Variants in PCDHA11 observed in about 807,000 individuals in gnomAD.
The protein encoded by PCDHA11 is protocadherin alpha 11, also known as protocadherin alpha-11.
PCDHA11 carries 61 observed loss-of-function variants against 70.3 expected under a neutral mutation model. The observed-to-expected ratio is 0.87, with a 90% CI of 0.71 to 1.07. PCDHA11 has a LOEUF of 1.07. Ranked by LOEUF, PCDHA11 falls within the 50% of genes least tolerant of loss-of-function variation. The probability of loss-of-function intolerance (pLI) is 0.00; values close to 1 mark genes in which losing one functional copy is unlikely to be tolerated. For synonymous variants in PCDHA11, 633 were observed against 555.1 expected (o/e 1.14, Z -1.97); for missense variants, 1,324 against 1,237.5 (o/e 1.07, Z -1.05).
chr5:140,978,685 CA>C (rs1426574040), intron 1 of PCDHA11, among the ~76,000 whole-genome samples: 2 of 152,242 alleles, frequency 1.3e-5, no homozygotes, highest in African/African-American at 2.4e-5. Context: ...ATGTATTGGG[CA>C]AGGCAAAGCC....
At chr5:140,998,389 C>T (rs1386157244) in intron 3 of PCDHA11, among the ~76,000 whole-genome samples, 3 of 152,128 alleles carry the variant, frequency 2.0e-5, no homozygotes, top group Non-Finnish European at 4.4e-5. Flanking sequence ...AAGTTTAATG[C>T]CATCTTTATG....
intron 1 of PCDHA11, chr5:140,928,218 A>G: frequency 6.2e-7 from 1 of 1,614,190 alleles, no homozygotes; most frequent in East Asian, 2.2e-5. Flanking sequence ...ATGACAATAC[A>G]CCAAACTTTC....
chr5:140,879,467 C>T (rs1331120758), intron 1 of PCDHA11, among the ~76,000 whole-genome samples: 1 of 152,040 alleles, frequency 6.6e-6, no homozygotes, highest in Admixed American at 6.6e-5. Context: ...TAAGAGAATA[C>T]CGTTGTGATT....
At chr5:140,997,910 A>T (rs2097790102) in intron 3 of PCDHA11, among the ~76,000 whole-genome samples, 2 of 152,234 alleles carry the variant, frequency 1.3e-5, no homozygotes. Flanking sequence ...AAGTAGAATT[A>T]CAGAATCATA....
rs368166956 is a variant in PCDHA11, at chr5:140,870,187, G to T, written c.1084G>T (p.Ala362Ser). Residue 362 changes from alanine (A) to serine (S), a missense_variant, in exon 1 of 4, where the codon GCT becomes TCT. By Grantham distance (99) the Ala-to-Ser change is moderately conservative (BLOSUM62 1). Coordinates refer to ENST00000398640, the MANE Select transcript of PCDHA11 (RefSeq NM_018902.5). Reference sequence around the variant, plus strand: ...CTTGTCCCTCCCAGTACGAGAGGACGCTCAGCCCAGCACGGTCATTGCCCT... The same window carrying T: ...CTTGTCCCTCCCAGTACGAGAGGACTCTCAGCCCAGCACGGTCATTGCCCT... The part of the protein sequence containing the change: ...TSLSLPVRED[A>S]QPSTVIALIS... 55 of 1,614,092 alleles carry T rather than the reference G, an allele frequency of 3.4e-5. No individual in the cohort carries two copies. The African/African-American group carries it at 6.5e-4, about 19-fold the overall frequency.
At chr5:140,925,131 T>A (rs986113292) in intron 1 of PCDHA11, among the ~76,000 whole-genome samples, 5 of 150,904 alleles carry the variant, frequency 3.3e-5, no homozygotes, top group East Asian at 1.9e-4. Context: ...GGAAAAAAAA[T>A]TTCAAACATA....
intron 1 of PCDHA11, among the ~76,000 whole-genome samples, chr5:140,948,738 A>T (rs1347138284): frequency 6.6e-6 from 1 of 151,488 alleles, no homozygotes; most frequent in African/African-American, 2.4e-5. Flanking sequence ...CTAGCTGAGA[A>T]TTTATCAATT....
At chr5:140,966,617 A>G (rs1169791623) in intron 1 of PCDHA11, 8 of 785,216 alleles carry the variant, frequency 1.0e-5, no homozygotes, top group African/African-American at 1.8e-5. Flanking sequence ...GGGCCTACGG[A>G]GGGAGCGGCC....
chr5:140,987,474 G>A (rs114440148), intron 3 of PCDHA11, among the ~76,000 whole-genome samples: 307 of 152,240 alleles, frequency 2.0e-3, no homozygotes, highest in African/African-American at 7.1e-3. Context: ...CTCAAGCTTG[G>A]GAGTCAGTGA....
intron 1 of PCDHA11, chr5:140,928,443 G>A: frequency 6.2e-7 from 1 of 1,614,184 alleles, no homozygotes. Context: ...ACTTTGAGCA[G>A]CTCAGGGGGT....
chr5:140,937,199 G>A (rs2091405017), intron 1 of PCDHA11, among the ~76,000 whole-genome samples: 2 of 151,792 alleles, frequency 1.3e-5, no homozygotes, highest in Admixed American at 6.6e-5. Context: ...CACCATGCCC[G>A]GCTAATTTTT....
chr5:140,928,126 C>G (rs782461261), intron 1 of PCDHA11: 1 of 1,614,058 alleles, frequency 6.2e-7, no homozygotes, highest in African/African-American at 1.3e-5. Context: ...CAGTGAATAC[C>G]AAGTCCTGAT....
At chr5:140,994,631 G>A (rs978359081) in intron 3 of PCDHA11, among the ~76,000 whole-genome samples, 1 of 152,106 alleles carries the variant, frequency 6.6e-6, no homozygotes, top group Non-Finnish European at 1.5e-5. Flanking sequence ...CTTGAACCTG[G>A]AAGGTGGAGG....
chr5:140,921,741 A>G (rs1437643098), intron 1 of PCDHA11, among the ~76,000 whole-genome samples: 1 of 152,202 alleles, frequency 6.6e-6, no homozygotes, highest in Non-Finnish European at 1.5e-5. Context: ...AATTATAAGC[A>G]TAACAGGACA....
chr5:140,877,488 C>A lies in PCDHA11; in HGVS notation c.2391+5994C>A, dbSNP rs781785108. On this transcript the variant is annotated intron_variant, in intron 1 of 3. Coordinates refer to ENST00000398640, the MANE Select transcript of PCDHA11 (RefSeq NM_018902.5). ...CGGTGCTGGTGTCGCTGGTGGAGAACGGCCAGGCCCCAAAGACGTCGTCGC... is the reference window on the plus strand; with the variant it reads ...CGGTGCTGGTGTCGCTGGTGGAGAAAGGCCAGGCCCCAAAGACGTCGTCGC... The A allele has an allele frequency of 2.5e-6, 4 of 1,613,736 alleles. No individual in the cohort carries two copies. The African/African-American group carries it at 5.3e-5, about 22-fold the overall frequency.
Position 140,869,373 on chromosome 5 carries a change from C to A in PCDHA11, c.270C>A (p.Ile90=), listed in dbSNP as rs782224697. ...GCATTTTGTTTGTGAATTCTCGGAT[C>A]GACCGCGAGGAGCTGTGCGGGCAGA... ...QNGILFVNSR[I]DREELCGQSA... is the part of the protein sequence containing the mutation. Residue 90 remains isoleucine (I), a synonymous_variant, in exon 1 of 4, where the codon ATC becomes ATA. Coordinates refer to ENST00000398640, the MANE Select transcript of PCDHA11 (RefSeq NM_018902.5). 6.2e-7 allele frequency: 1 copy of A among 1,614,102 alleles called. No homozygotes were observed. Among genetic ancestry groups the A allele is most frequent in the Non-Finnish European group, 8.5e-7 (1 of 1,180,028 alleles).
rs782727100 is a variant in PCDHA11, at chr5:140,877,121, C to G, written c.2391+5627C>G. 12 of 1,613,694 alleles carry G rather than the reference C, an allele frequency of 7.4e-6. No homozygotes were observed. In the South Asian group the frequency reaches 8.8e-5, roughly 12 times the overall value. ...GTGCCGCCTCTGGGCAGCAACGTGA[C>G]GCTGCAGGTGTTCGTGCTGGACGAG... is the stretch of plus-strand genomic sequence containing the variant. On this transcript the variant is annotated intron_variant, in intron 1 of 3. Coordinates refer to ENST00000398640, the MANE Select transcript of PCDHA11 (RefSeq NM_018902.5).
intron 1 of PCDHA11, chr5:140,875,825 A>G: frequency 6.2e-7 from 1 of 1,614,174 alleles, no homozygotes; most frequent in East Asian, 2.2e-5. Flanking sequence ...CAGGTTTTCC[A>G]TGTGGACGTG....
intron 1 of PCDHA11, chr5:140,882,142 G>T: frequency 1.3e-6 from 2 of 1,488,266 alleles, no homozygotes; most frequent in Non-Finnish European, 1.8e-6. Flanking sequence ...AGAAAATATA[G>T]CAGAAAGCGG....
Sources: gnomAD v4.1 joint callset for allele counts (sites outside exome capture counted in the v4.1 genomes callset) on GRCh38, gnomAD v4.1.1 for gene constraint, MANE v1.5 for transcripts, NCBI Gene and HGNC (gene_info 2026-07-23, HGNC 2026-07-21) for gene names.